Variants in MGAM observed in about 807,000 individuals in gnomAD.
The protein encoded by MGAM is maltase-glucoamylase.
Under a neutral mutation model 358.8 loss-of-function variants are expected in MGAM, and 253 were observed. That is an observed-to-expected ratio of 0.71 (90% CI 0.64 to 0.78). MGAM has a LOEUF of 0.78. Ranked by LOEUF, MGAM falls within the 30% of genes least tolerant of loss-of-function variation. The probability of loss-of-function intolerance (pLI) is 0.00; values close to 1 mark genes in which losing one functional copy is unlikely to be tolerated. For missense variants in MGAM, 3,080 were observed against 3,432.6 expected (o/e 0.90, Z 2.57); for synonymous variants, 1,105 against 1,227.1 (o/e 0.90, Z 2.08).
chr7:142,025,085 C>T lies in MGAM; in HGVS notation c.918C>T (p.Phe306=). ...ATTTGTATGGTGCGCAGACATTCTT[C>T]TTGTGCCTTGAAGATGCTAGTGGAT... ...GTNLYGAQTF[F]LCLEDASGLS... is the part of the protein sequence containing the mutation. The change falls in exon 8 of 71, where the codon TTC becomes TTT. Residue 306 remains phenylalanine, a synonymous_variant. Coordinates refer to ENST00000475668, the MANE Select transcript of MGAM (RefSeq NM_001365693.1). 6.2e-7 allele frequency: 1 copy of T among 1,613,720 alleles called. No homozygotes were observed. The highest frequency in any genetic ancestry group is 8.5e-7 in the Non-Finnish European group (1 of 1,179,714).
chr7:142,058,261 A>C lies in MGAM; in HGVS notation c.3752A>C (p.Tyr1251Ser). Residue 1251 changes from tyrosine to serine, a missense_variant, in exon 31 of 71, where the codon TAT becomes TCT. Transcript: ENST00000475668. The part of the protein sequence containing the change: ...YWSLGFQLCR[Y>S]GYQNDSEIAS... ...TCTTTGGGGTTCCAGCTGTGTCGCT[A>C]TGGCTACCAGAATGACTCTGAGATC... The C allele has an allele frequency of 6.2e-7, 1 of 1,613,832 alleles. No homozygotes were observed. The highest frequency in any genetic ancestry group is 8.5e-7 in the Non-Finnish European group (1 of 1,179,834).
intron 57 of MGAM, among the ~76,000 whole-genome samples, chr7:142,089,677 C>G (rs1406984800): frequency 6.9e-6 from 1 of 145,170 alleles, no homozygotes; most frequent in African/African-American, 2.4e-5. Context: ...TGTAATCCCA[C>G]TTAGGAGGCT....
intron 57 of MGAM, 22 bp from the exon 58 acceptor site, chr7:142,091,891 A>G (rs1183650148): frequency 2.8e-6 from 4 of 1,409,466 alleles, no homozygotes; most frequent in Non-Finnish European, 2.9e-6. Flanking sequence ...TGGGACAAAG[A>G]AATTATATTT....
At chr7:142,063,294 A>AT (rs1045935455) in intron 35 of MGAM, among the ~76,000 whole-genome samples, 26 of 151,652 alleles carry the variant, frequency 1.7e-4, no homozygotes, top group Non-Finnish European at 3.7e-4. Flanking sequence ...AAAGAGATCT[A>AT]TTTTTTTACC....
At chr7:142,096,851 C>T (rs908019135) in intron 65 of MGAM, among the ~76,000 whole-genome samples, 1 of 152,058 alleles carries the variant, frequency 6.6e-6, no homozygotes, top group African/African-American at 2.4e-5. Flanking sequence ...CTCCTCCCAG[C>T]AGTAAAAGCC....
In MGAM at chr7:142,040,876, A is replaced by G. The variant is rs370793872; in HGVS notation, c.2498+30A>G. On this transcript the variant is annotated intron_variant, in intron 21 of 70. Coordinates refer to ENST00000475668, the MANE Select transcript of MGAM (RefSeq NM_001365693.1). ...AGCATGGCTGGAGTGTCCTTTCAGA[A>G]TTCATGTCCTTGCTTAAACCCTTTG... is the stretch of plus-strand genomic sequence containing the variant. The G allele has an allele frequency of 2.1e-4, 329 of 1,578,866 alleles. 2 individuals are homozygous for G. In the South Asian group the frequency reaches 3.6e-3, roughly 17 times the overall value.
chr7:142,035,839 A>G (rs775976327), intron 16 of MGAM, among the ~76,000 whole-genome samples: 40 of 152,180 alleles, frequency 2.6e-4, no homozygotes, highest in Non-Finnish European at 4.8e-4. Flanking sequence ...CAAAATAATA[A>G]TATCAGCAGT....
chr7:142,051,643 T>C (rs569210579), intron 24 of MGAM, among the ~76,000 whole-genome samples: 41 of 152,200 alleles, frequency 2.7e-4, no homozygotes, highest in South Asian at 1.9e-3. Flanking sequence ...GAAAGAAATA[T>C]AATGTTTTTT....
intron 7 of MGAM, 84 bp from the exon 8 acceptor site, chr7:142,024,966 A>G (rs1265369209): frequency 1.0e-5 from 9 of 896,202 alleles, no homozygotes; most frequent in Middle Eastern, 2.2e-4. Context: ...TTGCATGATT[A>G]AGACTGATTT....
chr7:142,050,894 T>C (rs1810888158), intron 24 of MGAM, 30 bp downstream of exon 24: 3 of 1,612,918 alleles, frequency 1.9e-6, no homozygotes, highest in African/African-American at 1.3e-5. Flanking sequence ...AGATGGTACA[T>C]TGAGAATTCT....
intron 10 of MGAM, 110 bp from the exon 11 acceptor site, chr7:142,030,248 CTATT>C: frequency 9.0e-7 from 1 of 1,107,546 alleles, no homozygotes; most frequent in Non-Finnish European, 1.3e-6. Context: ...ATTAAGAACT[CTATT>C]TAGAGCCCAG....
At chr7:142,097,351 T>A (rs1173339044) in intron 65 of MGAM, among the ~76,000 whole-genome samples, 1 of 152,182 alleles carries the variant, frequency 6.6e-6, no homozygotes, top group African/African-American at 2.4e-5. Flanking sequence ...AGTGAATTTT[T>A]TTTTTTCCCG....
intron 69 of MGAM, 84 bp downstream of exon 69, chr7:142,102,763 T>G: frequency 1.6e-6 from 2 of 1,281,912 alleles, no homozygotes; most frequent in Non-Finnish European, 1.1e-6. Context: ...AAATACCACC[T>G]AGAATTTCTT....
chr7:142,097,492 C>A, intron 65 of MGAM, 101 bp from the exon 66 acceptor site: 1 of 1,188,324 alleles, frequency 8.4e-7, no homozygotes, highest in Non-Finnish European at 1.2e-6. Flanking sequence ...GGCAAGTGGG[C>A]CCAAGGCCAT....
chr7:142,000,366 A>G (rs1554450250), intron 1 of MGAM, among the ~76,000 whole-genome samples: 1 of 152,152 alleles, frequency 6.6e-6, no homozygotes, highest in Non-Finnish European at 1.5e-5. Context: ...TCCTGCTTGA[A>G]TGTTATGATG....
intron 31 of MGAM, among the ~76,000 whole-genome samples, 189 bp from the exon 32 acceptor site, chr7:142,059,283 C>T (rs1050590745): frequency 6.6e-6 from 1 of 152,160 alleles, no homozygotes; most frequent in Non-Finnish European, 1.5e-5. Context: ...TTTTTTCTAT[C>T]TTATCACTGA....
intron 5 of MGAM, 101 bp from the exon 6 acceptor site, chr7:142,021,485 T>A: frequency 2.6e-6 from 3 of 1,156,694 alleles, no homozygotes; most frequent in Non-Finnish European, 2.4e-6. Context: ...AGATATGAGG[T>A]CAGTTTGATC....
chr7:142,002,705 C>T (rs1804830702), intron 1 of MGAM, among the ~76,000 whole-genome samples: 1 of 151,932 alleles, frequency 6.6e-6, no homozygotes, highest in Admixed American at 6.6e-5. Context: ...CACTCATATT[C>T]AATATAGTAC....
intron 57 of MGAM, among the ~76,000 whole-genome samples, chr7:142,088,827 ATCTAT>A (rs1563214553): frequency 1.5e-5 from 1 of 66,814 alleles, no homozygotes; most frequent in Admixed American, 1.3e-4. Flanking sequence ...TGTACCATCT[ATCTAT>A]CTATCTATCT....
Sources: gnomAD v4.1 joint callset for allele counts (sites outside exome capture counted in the v4.1 genomes callset) on GRCh38, gnomAD v4.1.1 for gene constraint, MANE v1.5 for transcripts, NCBI Gene and HGNC (gene_info 2026-07-23, HGNC 2026-07-21) for gene names.